The following DDHD1 variants were observed in gnomAD, a reference collection of about 807,000 sequenced individuals.
DDHD1 encodes the protein phospholipase DDHD1.
A neutral mutation model predicts 96.4 loss-of-function variants in DDHD1; 49 were observed. That is an observed-to-expected ratio of 0.51 (90% CI 0.40 to 0.64). The LOEUF (loss-of-function observed/expected upper bound fraction) is 0.64, where lower values mean the gene tolerates loss of function less well. DDHD1 is among the 30% of genes least tolerant of loss of function. The probability of loss-of-function intolerance (pLI) is 0.00; values close to 1 mark genes in which losing one functional copy is unlikely to be tolerated. For missense variants in DDHD1, 1,106 were observed against 1,161.2 expected (o/e 0.95, Z 0.69); for synonymous variants, 442 against 446.5 (o/e 0.99, Z 0.13).
At chr14:53,066,237 TG>T (rs1345149647) in intron 6 of DDHD1, among the ~76,000 whole-genome samples, 2 of 152,136 alleles carry the variant, frequency 1.3e-5, no homozygotes, top group African/African-American at 4.8e-5. Flanking sequence ...CCGCAACCTC[TG>T]CCTCCCAGGT....
intron 1 of DDHD1, among the ~76,000 whole-genome samples, chr14:53,116,800 C>T (rs1198194255): frequency 3.9e-5 from 6 of 152,044 alleles, no homozygotes; most frequent in East Asian, 3.9e-4. Flanking sequence ...ATCCTAACAT[C>T]GCAATGAAAA....
At chr14:53,152,123 C>CTGTGT in intron 1 of DDHD1, 138 bp downstream of exon 1, 3 of 842,108 alleles carry the variant, frequency 3.6e-6, no homozygotes, top group Admixed American at 3.6e-5. Context: ...GCTCCCTGCT[C>CTGTGT]AATCTCCATC....
rs1316038559 is a variant in DDHD1 at position 53,153,062 on chromosome 14, C to A, written c.37G>T (p.Glu13Ter). 1 of 1,479,900 alleles carries A rather than the reference C, an allele frequency of 6.8e-7. No homozygotes were observed. The highest frequency in any genetic ancestry group is 2.6e-5 in the Admixed American group (1 of 39,212). The allele number at this position is 1,479,900 out of a possible 1,614,324, so 91.7% of individuals were successfully genotyped here. Reference sequence around the variant, plus strand: ...CCGCCGCCGCCTCGGCCGTTATGCTCGGGGCTCCGTGGGGACCCGCGGCCC... The same window carrying A: ...CCGCCGCCGCCTCGGCCGTTATGCTAGGGGCTCCGTGGGGACCCGCGGCCC... Reference protein sequence around the residue: ...YPGRGSPRSPEHNGRGGGGGA... With the variant: ...YPGRGSPRSP The change falls in exon 1 of 13, where the codon GAG (glutamate) becomes TAG (stop). Residue 13 changes from glutamate (E) to a stop codon, truncating the protein, a stop_gained. Coordinates refer to ENST00000673822, the MANE Select transcript of DDHD1 (RefSeq NM_001160148.2). LOFTEE classifies it high-confidence loss of function.
intron 1 of DDHD1, among the ~76,000 whole-genome samples, chr14:53,126,956 C>A (rs1889488426): frequency 6.6e-6 from 1 of 152,018 alleles, no homozygotes; most frequent in Non-Finnish European, 1.5e-5. Context: ...AGAATTTAAG[C>A]TCTAACGGGT....
intron 4 of DDHD1, among the ~76,000 whole-genome samples, chr14:53,079,706 G>C (rs1885287185): frequency 6.6e-6 from 1 of 152,134 alleles, no homozygotes. Context: ...CAAAGAACCA[G>C]AGTAATACAT....
intron 6 of DDHD1, among the ~76,000 whole-genome samples, chr14:53,066,958 C>CAAAAAAA (rs34195210): frequency 7.4e-6 from 1 of 134,434 alleles, no homozygotes; most frequent in Non-Finnish European, 1.6e-5. Flanking sequence ...GAACCTGTCT[C>CAAAAAAA]AAAAAAAAAA....
chr14:53,136,935 C>A (rs573152683), intron 1 of DDHD1, among the ~76,000 whole-genome samples: 1 of 152,076 alleles, frequency 6.6e-6, no homozygotes, highest in Non-Finnish European at 1.5e-5. Flanking sequence ...TCAACACATA[C>A]CCAGGAGAAA....
At chr14:53,102,082 G>T (rs1360166646) in intron 2 of DDHD1, among the ~76,000 whole-genome samples, 2 of 151,850 alleles carry the variant, frequency 1.3e-5, no homozygotes, top group African/African-American at 4.8e-5. Context: ...CATTTTTGAG[G>T]CAGAATACTT....
Position 53,040,044 on chromosome 14 carries a change from T to A in DDHD1, c.*6724A>T, listed in dbSNP as rs1034405591. ...AATTGCACTGAAATTCCTAGACTGT[T>A]AAAAAAACAAACACCTAAAACTCGA... On this transcript the variant is annotated 3_prime_UTR_variant, in exon 13 of 13. Transcript: ENST00000673822. 6.6e-6 allele frequency: 1 copy of A among 152,208 alleles called. No individual in the cohort carries two copies. The highest frequency in any genetic ancestry group is 2.4e-5 in the African/African-American group (1 of 41,518). The allele number at this position is 152,208 out of a possible 1,614,324, so 9.4% of individuals were successfully genotyped here. A position where few individuals can be genotyped will look rare whatever the true frequency, so the allele number is the denominator to read the frequency against.
chr14:53,094,156 T>G (rs921779910), intron 2 of DDHD1, among the ~76,000 whole-genome samples: 45 of 149,776 alleles, frequency 3.0e-4, no homozygotes, highest in Admixed American at 2.9e-3. Flanking sequence ...CCGCCTGGGC[T>G]ACAGAGCAAG....
chr14:53,093,585 C>A, intron 2 of DDHD1, 141 bp from the exon 3 acceptor site: 1 of 1,118,448 alleles, frequency 8.9e-7, no homozygotes, highest in Non-Finnish European at 1.2e-6. Flanking sequence ...AACACTATTT[C>A]ACATAAAAAA....
At chr14:53,135,709 G>A (rs1367059329) in intron 1 of DDHD1, among the ~76,000 whole-genome samples, 1 of 152,220 alleles carries the variant, frequency 6.6e-6, no homozygotes, top group African/African-American at 2.4e-5. Context: ...CAAGAATGAA[G>A]AGAGTAAATC....
At chr14:53,079,218 G>A (rs1237319484) in intron 4 of DDHD1, among the ~76,000 whole-genome samples, 3 of 152,122 alleles carry the variant, frequency 2.0e-5, no homozygotes, top group Non-Finnish European at 4.4e-5. Context: ...TGGCTTCATA[G>A]AATGAGCTGG....
intron 1 of DDHD1, among the ~76,000 whole-genome samples, chr14:53,139,730 T>C (rs994167984): frequency 2.2e-4 from 34 of 151,696 alleles, no homozygotes; most frequent in African/African-American, 6.8e-4. Context: ...AAACAAGGCG[T>C]GCCTATTTCT....
intron 1 of DDHD1, among the ~76,000 whole-genome samples, chr14:53,117,282 T>C (rs906712039): frequency 2.0e-5 from 3 of 152,140 alleles, no homozygotes; most frequent in Non-Finnish European, 4.4e-5. Flanking sequence ...GTTCATCTCA[T>C]TGGGACTGGT....
At chr14:53,117,576 G>A (rs1047921910) in intron 1 of DDHD1, among the ~76,000 whole-genome samples, 7 of 152,246 alleles carry the variant, frequency 4.6e-5, no homozygotes, top group Non-Finnish European at 8.8e-5. Flanking sequence ...CTTTGAGGCT[G>A]TAGCCTGGTG....
chr14:53,142,758 GA>G (rs1276274951), intron 1 of DDHD1, among the ~76,000 whole-genome samples: 1 of 152,236 alleles, frequency 6.6e-6, no homozygotes, highest in Non-Finnish European at 1.5e-5. Context: ...CAAGCCAGGA[GA>G]ACTCAAGACA....
intron 12 of DDHD1, among the ~76,000 whole-genome samples, chr14:53,047,956 CT>C (rs542857576): frequency 4.6e-5 from 7 of 152,248 alleles, no homozygotes; most frequent in African/African-American, 1.7e-4. Flanking sequence ...AAGTCTGCCC[CT>C]GAACATGCAC....
At chr14:53,096,153 T>C (rs1353203229) in intron 2 of DDHD1, 1 of 985,180 alleles carries the variant, frequency 1.0e-6, no homozygotes, top group Non-Finnish European at 1.2e-6. Flanking sequence ...GTCGCATCTG[T>C]ACTCTCCTTA....
Sources: allele counts gnomAD v4.1 joint callset (sites outside exome capture counted in the v4.1 genomes callset), GRCh38; gene constraint gnomAD v4.1.1; transcripts MANE v1.5; gene names NCBI Gene and HGNC (gene_info 2026-07-23, HGNC 2026-07-21).